DNAH3: variants seen among roughly 807,000 people sequenced by gnomAD.
DNAH3 encodes the protein dynein axonemal heavy chain 3.
A neutral mutation model predicts 432.5 loss-of-function variants in DNAH3; 332 were observed. The ratio of observed to expected loss-of-function variants is 0.77; its 90% confidence interval spans 0.70 to 0.84. DNAH3 has a LOEUF of 0.84. Among genes scored for constraint, DNAH3 ranks in the 40% least tolerant of loss-of-function variants. DNAH3 has a pLI of 0.00. For missense variants in DNAH3, 4,861 were observed against 5,114.0 expected (o/e 0.95, Z 1.51); for synonymous variants, 1,956 against 1,900.2 (o/e 1.03, Z -0.76).
chr16:20,936,786 A>C (rs746915608), exon 60 of DNAH3: 5 of 1,613,748 alleles, frequency 3.1e-6, no homozygotes, highest in Non-Finnish European at 4.2e-6. Context: ...AGCTCCGAGG[A>C]CATCAGGACC....
At chr16:21,140,384 T>C (rs2092703225) in intron 5 of DNAH3, 152 bp downstream of exon 6, 2 of 703,314 alleles carry the variant, frequency 2.8e-6, no homozygotes, top group East Asian at 2.7e-5. Context: ...CACACAAACA[T>C]GCGCCCTCTT....
intron 5 of DNAH3, among the ~76,000 whole-genome samples, chr16:21,138,100 C>A (rs1597468683): frequency 6.6e-6 from 1 of 151,814 alleles, no homozygotes; most frequent in Admixed American, 6.6e-5. Context: ...ATACAAAAAT[C>A]AGCCAGGTGG....
At chr16:21,111,579 G>C (rs766604696) in intron 14 of DNAH3, 47 bp downstream of exon 14, 15 of 1,569,080 alleles carry the variant, frequency 9.6e-6, no homozygotes, top group Non-Finnish European at 1.3e-5. Context: ...TTCGTCTCCA[G>C]TTGGTGCCAA....
intron 39 of DNAH3, 105 bp downstream of exon 39, chr16:21,024,491 C>T: frequency 1.3e-6 from 1 of 762,742 alleles, no homozygotes; most frequent in Non-Finnish European, 2.0e-6. Context: ...TTCCCTGCCC[C>T]TTGTTGCCTC....
exon 61 of DNAH3, chr16:20,935,429 T>C (rs1335512643): frequency 1.9e-6 from 3 of 1,613,224 alleles, no homozygotes; most frequent in Non-Finnish European, 2.5e-6. Context: ...AAAAAGACTG[T>C]GTGAAGTAGA....
At chr16:21,022,216 T>C in intron 39 of DNAH3, 116 bp from the exon 40 acceptor site, 1 of 1,104,506 alleles carries the variant, frequency 9.1e-7, no homozygotes, top group Non-Finnish European at 1.3e-6. Context: ...GATTTAAATG[T>C]AGGTGCATTG....
intron 44 of DNAH3, among the ~76,000 whole-genome samples, chr16:20,989,554 C>G (rs935144968): frequency 4.6e-5 from 7 of 152,270 alleles, no homozygotes; most frequent in Non-Finnish European, 1.0e-4. Flanking sequence ...AAGTCCCCAC[C>G]AGACTCAGGA....
chr16:21,016,869 G>A (rs1202846941), intron 41 of DNAH3, among the ~76,000 whole-genome samples: 2 of 152,148 alleles, frequency 1.3e-5, no homozygotes, highest in African/African-American at 2.4e-5. Context: ...GATGAACGCC[G>A]AAGACATTAT....
chr16:21,156,680 T>A (rs1030995922), intron 1 of DNAH3, among the ~76,000 whole-genome samples: 5 of 152,024 alleles, frequency 3.3e-5, no homozygotes, highest in Admixed American at 6.6e-5. Flanking sequence ...TGGGAAAGCA[T>A]AGGAGAGGCT....
intron 1 of DNAH3, among the ~76,000 whole-genome samples, chr16:21,148,868 T>C (rs2092819142): frequency 6.6e-6 from 1 of 152,154 alleles, no homozygotes; most frequent in Admixed American, 6.6e-5. Flanking sequence ...CTAAGAATCC[T>C]CTGTGGCACC....
At chr16:21,115,674 T>C (rs542754866) in intron 12 of DNAH3, among the ~76,000 whole-genome samples, 3 of 149,886 alleles carry the variant, frequency 2.0e-5, no homozygotes, top group African/African-American at 4.9e-5. Flanking sequence ...GCCACTATAC[T>C]CCAGCCTGGG....
At chr16:21,037,093 G>A (rs1162310448) in intron 34 of DNAH3, among the ~76,000 whole-genome samples, 1 of 152,192 alleles carries the variant, frequency 6.6e-6, no homozygotes, top group Non-Finnish European at 1.5e-5. Flanking sequence ...TGGATCACCT[G>A]AGTTCAGGAG....
chr16:21,122,596 G>A (rs2092367343), intron 9 of DNAH3, among the ~76,000 whole-genome samples: 1 of 152,044 alleles, frequency 6.6e-6, no homozygotes, highest in African/African-American at 2.4e-5. Context: ...GTATAGCTTA[G>A]CCCACCCTGA....
chr16:20,941,459 C>T lies in DNAH3; in HGVS notation c.11596G>A (p.Val3866Met), dbSNP rs563001858. The T allele has an allele frequency of 9.9e-6, 16 of 1,614,106 alleles. No individual in the cohort carries two copies. Among genetic ancestry groups the T allele is most frequent in the African/African-American group, 8.0e-5 (6 of 75,026 alleles). ...GTATTCATGGATTCTTCATAGACCACGGGGTACAACTTCATGACCTCTTCC... is the reference window on the plus strand; with the variant it reads ...GTATTCATGGATTCTTCATAGACCATGGGGTACAACTTCATGACCTCTTCC... The change falls in exon 59 of 62, where the codon GTG (valine) becomes ATG (methionine). Residue 3866 changes from valine to methionine, a missense_variant. Transcript: ENST00000261383.
At chr16:20,980,250 A>G (rs2085813430) in intron 49 of DNAH3, among the ~76,000 whole-genome samples, 1 of 130,112 alleles carries the variant, frequency 7.7e-6, no homozygotes, top group Admixed American at 8.7e-5. Context: ...TATATAATAT[A>G]CATCATATAT....
At chr16:21,135,509 A>G (rs1306602523) in intron 6 of DNAH3, among the ~76,000 whole-genome samples, 1 of 152,170 alleles carries the variant, frequency 6.6e-6, no homozygotes, top group Non-Finnish European at 1.5e-5. Context: ...ACTGGCCAAC[A>G]TGGCGAAACC....
exon 8 of DNAH3, chr16:21,127,800 G>A: frequency 6.2e-7 from 1 of 1,614,048 alleles, no homozygotes; most frequent in Non-Finnish European, 8.5e-7. Context: ...GAACAAACCT[G>A]AGGTCTCTGA....
chr16:21,093,644 G>T (rs2091598508), intron 18 of DNAH3, among the ~76,000 whole-genome samples: 1 of 152,090 alleles, frequency 6.6e-6, no homozygotes, highest in East Asian at 1.9e-4. Flanking sequence ...GAAAAATGAA[G>T]TTAGAAGAAT....
rs538487450 is a variant in DNAH3 at position 20,997,279 on chromosome 16, A to G, written c.6601+4T>C. On this transcript the variant is annotated splice_donor_region_variant and intron_variant, in intron 44 of 61. Transcript: ENST00000261383. ...AAGAGGAATGAGCTCTTCCCTTCAC[A>G]TACCAGTAATGTCATTCCTTCCTCC... 6 of 1,613,370 alleles carry G rather than the reference A, an allele frequency of 3.7e-6. No homozygotes were observed. The highest frequency in any genetic ancestry group is 3.3e-5 in the South Asian group (3 of 90,980).
Sources: allele counts gnomAD v4.1 joint callset (sites outside exome capture counted in the v4.1 genomes callset), GRCh38; gene constraint gnomAD v4.1.1; transcripts MANE v1.5; gene names NCBI Gene and HGNC (gene_info 2026-07-23, HGNC 2026-07-21).